The following MAF variants were observed in gnomAD, a reference collection of about 807,000 sequenced individuals.
MAF encodes the protein MAF bZIP transcription factor, also known as transcription factor Maf.
Under a neutral mutation model 22.0 loss-of-function variants are expected in MAF, and 10 were observed. The observed-to-expected ratio is 0.45, with a 90% CI of 0.28 to 0.77. MAF has a LOEUF of 0.77. Among genes scored for constraint, MAF ranks in the 30% least tolerant of loss-of-function variants. The pLI is 0.12. For missense variants in MAF, 544 were observed against 548.4 expected (o/e 0.99, Z 0.08); for synonymous variants, 337 against 255.8 (o/e 1.32, Z -3.03).
chr16:79,296,193 G>T, the MAF span, among the ~76,000 whole-genome samples: 1 of 152,158 alleles, frequency 6.6e-6, no homozygotes, highest in African/African-American at 2.4e-5. Flanking sequence ...TATTATATAC[G>T]AAGCAAGTAC....
chr16:79,416,176 T>C, the MAF span, among the ~76,000 whole-genome samples: 1 of 152,118 alleles, frequency 6.6e-6, no homozygotes, highest in African/African-American at 2.4e-5. Context: ...TCACTGCTAA[T>C]AGTTAGACAA....
the MAF span, among the ~76,000 whole-genome samples, chr16:79,503,057 C>T: frequency 2.0e-5 from 3 of 152,060 alleles, no homozygotes; most frequent in East Asian, 5.8e-4. Flanking sequence ...AGTAGCATTG[C>T]AGGAGAGCCT....
At chr16:79,357,229 C>T in the MAF span, among the ~76,000 whole-genome samples, 1 of 151,258 alleles carries the variant, frequency 6.6e-6, no homozygotes, top group Non-Finnish European at 1.5e-5. Context: ...GCACTCCAGC[C>T]TGGGCAACAG....
At chr16:79,377,353 C>T in the MAF span, among the ~76,000 whole-genome samples, 210 of 152,228 alleles carry the variant, frequency 1.4e-3, 1 homozygote, top group East Asian at 8.5e-3. Context: ...TCATATCCTT[C>T]GCCCACTTGT....
chr16:79,238,399 G>C, the MAF span, among the ~76,000 whole-genome samples: 6 of 152,048 alleles, frequency 3.9e-5, no homozygotes, highest in Non-Finnish European at 8.8e-5. Context: ...TAGAGCATAC[G>C]TCTTTTTTAC....
the MAF span, among the ~76,000 whole-genome samples, chr16:79,310,864 A>G: frequency 6.6e-6 from 1 of 152,048 alleles, no homozygotes; most frequent in Non-Finnish European, 1.5e-5. Context: ...CTGAATTGCG[A>G]TATTATTGAA....
chr16:79,585,988 A>C, intron 1 of MAF: 1 of 660,558 alleles, frequency 1.5e-6, no homozygotes, highest in South Asian at 1.7e-5. Context: ...ATTAATAACC[A>C]CGAAGAATGT....
the MAF span, among the ~76,000 whole-genome samples, chr16:79,558,577 T>G: frequency 6.6e-6 from 1 of 152,140 alleles, no homozygotes; most frequent in Non-Finnish European, 1.5e-5. Flanking sequence ...ATCAGCTCCA[T>G]AACACAAAGA....
At chr16:79,375,432 A>G in the MAF span, among the ~76,000 whole-genome samples, 1 of 152,106 alleles carries the variant, frequency 6.6e-6, no homozygotes. Context: ...CTGATTTCAC[A>G]CTGACTTGTT....
the MAF span, among the ~76,000 whole-genome samples, chr16:79,391,068 T>G: frequency 6.6e-6 from 1 of 152,164 alleles, no homozygotes; most frequent in African/African-American, 2.4e-5. Context: ...CTGTTATCTG[T>G]GGGCTAACGA....
the MAF span, among the ~76,000 whole-genome samples, chr16:79,496,107 C>T: frequency 6.6e-6 from 1 of 152,028 alleles, no homozygotes; most frequent in Non-Finnish European, 1.5e-5. Flanking sequence ...TCCTGACCCA[C>T]AAAAATTATG....
the MAF span, among the ~76,000 whole-genome samples, chr16:79,253,870 CT>C: frequency 6.6e-6 from 1 of 151,962 alleles, no homozygotes; most frequent in Non-Finnish European, 1.5e-5. Context: ...CCTAGGGGTT[CT>C]TTTCCTTCCT....
the MAF span, among the ~76,000 whole-genome samples, chr16:79,492,073 G>A: frequency 6.6e-6 from 1 of 152,114 alleles, no homozygotes; most frequent in African/African-American, 2.4e-5. Context: ...AGATCTCTGT[G>A]AATAAAAAGA....
At chr16:79,566,001 T>A in the MAF span, among the ~76,000 whole-genome samples, 1 of 152,160 alleles carries the variant, frequency 6.6e-6, no homozygotes, top group Non-Finnish European at 1.5e-5. Context: ...CAATTCACCC[T>A]GCACTGATAG....
At chr16:79,530,922 G>A in the MAF span, among the ~76,000 whole-genome samples, 1 of 152,192 alleles carries the variant, frequency 6.6e-6, no homozygotes, top group Non-Finnish European at 1.5e-5. Context: ...CAGATCCTGT[G>A]TCTTTTAGGG....
chr16:79,246,631 T>C, the MAF span, among the ~76,000 whole-genome samples: 96 of 151,848 alleles, frequency 6.3e-4, no homozygotes, highest in African/African-American at 2.3e-3. Context: ...GGAAATGGGA[T>C]AGAGAATCAA....
the MAF span, among the ~76,000 whole-genome samples, chr16:79,538,893 A>AAG: frequency 6.6e-6 from 1 of 151,732 alleles, no homozygotes; most frequent in Admixed American, 6.6e-5. Context: ...GAAAGAAAGA[A>AAG]AGAAAGAAAG....
chr16:79,236,944 GAAAA>G, the MAF span, among the ~76,000 whole-genome samples: 1 of 140,658 alleles, frequency 7.1e-6, no homozygotes, highest in African/African-American at 2.6e-5. Flanking sequence ...ATAAATCTCG[GAAAA>G]AAAAAAAAAA....
the MAF span, among the ~76,000 whole-genome samples, chr16:79,506,672 A>G: frequency 1.5e-4 from 23 of 152,156 alleles, no homozygotes; most frequent in African/African-American, 5.3e-4. Flanking sequence ...AACTGTGTTG[A>G]GGCAACACTC....
Sources: allele counts gnomAD v4.1 joint callset (sites outside exome capture counted in the v4.1 genomes callset), GRCh38; gene constraint gnomAD v4.1.1; transcripts MANE v1.5; gene names NCBI Gene and HGNC (gene_info 2026-07-23, HGNC 2026-07-21).